CALD1: variants seen among roughly 807,000 people sequenced by gnomAD.
CALD1 encodes the protein caldesmon.
CALD1 carries 33 observed loss-of-function variants against 99.9 expected under a neutral mutation model. The ratio of observed to expected loss-of-function variants is 0.33; its 90% CI spans 0.25 to 0.44. The LOEUF is 0.44. Ranked by LOEUF, CALD1 falls within the 20% of genes least tolerant of loss-of-function variation. The pLI is 1.00. For synonymous variants in CALD1, 310 were observed against 325.0 expected, an observed-to-expected ratio of 0.95 and a Z score of 0.50; for missense variants, 861 against 962.1, an observed-to-expected ratio of 0.89 and a Z score of 1.39.
chr7:134,877,398 C>A (rs1801402533), intron 3 of CALD1, among the ~76,000 whole-genome samples: 2 of 152,256 alleles, frequency 1.3e-5, no homozygotes, highest in East Asian at 1.9e-4. Flanking sequence ...ATTAAGAGTT[C>A]TTTTCCATTT....
intron 3 of CALD1, among the ~76,000 whole-genome samples, chr7:134,904,471 C>T (rs959040810): frequency 6.6e-6 from 1 of 151,920 alleles, no homozygotes; most frequent in Non-Finnish European, 1.5e-5. Context: ...GTCCCAGCTA[C>T]TCAAGAGGCT....
At chr7:134,820,368 A>G (rs1798726338) in intron 1 of CALD1, among the ~76,000 whole-genome samples, 2 of 152,222 alleles carry the variant, frequency 1.3e-5, no homozygotes, top group African/African-American at 4.8e-5. Flanking sequence ...AAGGTGAAAA[A>G]TAAAATCTAG....
At chr7:134,957,880 C>T (rs141743128) in intron 9 of CALD1, among the ~76,000 whole-genome samples, 189 bp from the exon 10 acceptor site, 1 of 151,748 alleles carries the variant, frequency 6.6e-6, no homozygotes, top group Non-Finnish European at 1.5e-5. Flanking sequence ...CCTTCATTCC[C>T]CCAAATCTCA....
At chr7:134,754,792 T>C (rs1201642081) in intron 1 of CALD1, among the ~76,000 whole-genome samples, 3 of 152,164 alleles carry the variant, frequency 2.0e-5, no homozygotes, top group African/African-American at 7.2e-5. Flanking sequence ...ATGTATACAA[T>C]TACAAACAAT....
chr7:134,752,099 G>A (rs1195208183), intron 1 of CALD1, among the ~76,000 whole-genome samples: 1 of 152,200 alleles, frequency 6.6e-6, no homozygotes, highest in Non-Finnish European at 1.5e-5. Context: ...AGATTTCCAG[G>A]AGAAAGTTAA....
chr7:134,927,213 G>C (rs1805089409), intron 3 of CALD1, among the ~76,000 whole-genome samples: 1 of 152,070 alleles, frequency 6.6e-6, no homozygotes, highest in Non-Finnish European at 1.5e-5. Flanking sequence ...ATCTGCAGTT[G>C]CCCAGCCCCA....
At chr7:134,781,865 G>A (rs955402357) in intron 1 of CALD1, among the ~76,000 whole-genome samples, 1 of 152,186 alleles carries the variant, frequency 6.6e-6, no homozygotes, top group Admixed American at 6.5e-5. Context: ...CAGTTTAAAG[G>A]ATTTTAAATG....
At chr7:134,825,671 T>C (rs986356637) in intron 1 of CALD1, among the ~76,000 whole-genome samples, 1 of 152,194 alleles carries the variant, frequency 6.6e-6, no homozygotes, top group Non-Finnish European at 1.5e-5. Flanking sequence ...GCAATTAATG[T>C]AAAATATTAC....
At chr7:134,726,682 G>C in the CALD1 span, among the ~76,000 whole-genome samples, 1 of 151,878 alleles carries the variant, frequency 6.6e-6, no homozygotes, top group Admixed American at 6.6e-5. Context: ...ATTAGTCAGG[G>C]CTTTATAATT....
chr7:134,967,861 C>T (rs1808788458), intron 14 of CALD1, among the ~76,000 whole-genome samples: 2 of 152,058 alleles, frequency 1.3e-5, no homozygotes, highest in Admixed American at 1.3e-4. Context: ...AAATAAGATC[C>T]AGCCAGGCGC....
chr7:134,950,727 G>C (rs1429523537), intron 9 of CALD1, among the ~76,000 whole-genome samples: 4 of 152,150 alleles, frequency 2.6e-5, no homozygotes, highest in Admixed American at 2.6e-4. Flanking sequence ...AGGCAGATGT[G>C]GGCAGATCAC....
At chr7:134,928,591 C>T (rs192099847) in intron 3 of CALD1, among the ~76,000 whole-genome samples, 163 bp from the exon 4 acceptor site, 11 of 152,284 alleles carry the variant, frequency 7.2e-5, no homozygotes, top group African/African-American at 1.4e-4. Flanking sequence ...TGAAAGCTAG[C>T]TGACTAGGTC....
intron 1 of CALD1, among the ~76,000 whole-genome samples, chr7:134,788,251 A>G (rs1454370111): frequency 2.6e-5 from 4 of 152,232 alleles, no homozygotes; most frequent in African/African-American, 4.8e-5. Flanking sequence ...AGTTACATCT[A>G]TTGTGGCTAT....
chr7:134,876,544 G>A (rs1043856519), intron 3 of CALD1, among the ~76,000 whole-genome samples: 1 of 152,134 alleles, frequency 6.6e-6, no homozygotes. Flanking sequence ...GAAAAATAAA[G>A]AAAGATGAGT....
intron 1 of CALD1, among the ~76,000 whole-genome samples, chr7:134,761,896 T>TATAAA (rs1796781754): frequency 6.6e-6 from 1 of 152,182 alleles, no homozygotes; most frequent in Non-Finnish European, 1.5e-5. Flanking sequence ...AATCAGGTCT[T>TATAAA]TGCAGCTTAT....
chr7:134,937,344 G>A (rs1584617172), intron 6 of CALD1, among the ~76,000 whole-genome samples: 2 of 152,084 alleles, frequency 1.3e-5, no homozygotes, highest in African/African-American at 4.8e-5. Flanking sequence ...GAATGAGTGA[G>A]CCCTGCCGTT....
At chr7:134,965,428 C>A in intron 14 of CALD1, 42 bp downstream of exon 14, 2 of 942,670 alleles carry the variant, frequency 2.1e-6, no homozygotes, top group Non-Finnish European at 3.5e-6. Flanking sequence ...GTTTGTTTTC[C>A]TGATGTATGG....
chr7:134,947,688 G>T lies in CALD1; in HGVS notation c.1713G>T (p.Lys571Asn). Residue 571 changes from lysine to asparagine, a missense_variant, in exon 8 of 15, where the codon AAG (lysine) becomes AAT (asparagine). By Grantham distance (94) the Lys-to-Asn change is moderately conservative. Coordinates refer to ENST00000361675, the MANE Select transcript of CALD1 (RefSeq NM_033138.4). The stretch of plus-strand genomic sequence containing the variant: ...TGGAGCTGGAGGAACTCAAGAAAAA[G>T]AGGGAGGAGAGAAGGAAGGTCCTGG... ...AALELEELKK[K>N]REERRKVLEE... 1 of 1,606,974 alleles carries T rather than the reference G, an allele frequency of 6.2e-7. No homozygotes were observed. Among genetic ancestry groups the T allele is most frequent in the Admixed American group, 1.7e-5 (1 of 58,760 alleles).
chr7:134,837,443 T>C (rs1032438863), intron 1 of CALD1, among the ~76,000 whole-genome samples: 1 of 151,984 alleles, frequency 6.6e-6, no homozygotes, highest in African/African-American at 2.4e-5. Flanking sequence ...CCTGGGTTCA[T>C]GCGATTCTCC....
Sources: gnomAD v4.1 joint callset for allele counts (sites outside exome capture counted in the v4.1 genomes callset) on GRCh38, gnomAD v4.1.1 for gene constraint, MANE v1.5 for transcripts, NCBI Gene and HGNC (gene_info 2026-07-23, HGNC 2026-07-21) for gene names.